AFF3: variants seen among roughly 807,000 people sequenced by gnomAD.
The protein encoded by AFF3 is AF4/FMR2 family member 3.
Under a neutral mutation model 129.7 loss-of-function variants are expected in AFF3, and 32 were observed. The ratio of observed to expected loss-of-function variants is 0.25; its 90% confidence interval spans 0.19 to 0.33. AFF3 has a LOEUF of 0.33. AFF3 is among the 10% of genes least tolerant of loss of function. The pLI, the probability that AFF3 is intolerant of heterozygous loss-of-function variation, is 1.00. For synonymous variants in AFF3, 644 were observed against 635.4 expected, an observed-to-expected ratio of 1.01 and a Z score of -0.20; for missense variants, 1,373 against 1,592.0, an observed-to-expected ratio of 0.86 and a Z score of 2.34.
At chr2:99,799,111 A>G (rs1175638440) in intron 8 of AFF3, among the ~76,000 whole-genome samples, 3 of 152,072 alleles carry the variant, frequency 2.0e-5, no homozygotes, top group Non-Finnish European at 4.4e-5. Flanking sequence ...GATAAATGCC[A>G]TGTATACTAG....
At chr2:99,942,008 T>C (rs1337913415) in intron 7 of AFF3, among the ~76,000 whole-genome samples, 1 of 152,194 alleles carries the variant, frequency 6.6e-6, no homozygotes. Flanking sequence ...AACACACAGA[T>C]ACAACATATA....
intron 14 of AFF3, among the ~76,000 whole-genome samples, chr2:99,597,164 C>T (rs1050143742): frequency 1.3e-5 from 2 of 152,190 alleles, no homozygotes; most frequent in Admixed American, 1.3e-4. Context: ...TAACTTTGTA[C>T]TCATCTAGGT....
At chr2:100,099,864 T>C (rs1197746203) in intron 4 of AFF3, among the ~76,000 whole-genome samples, 2 of 151,952 alleles carry the variant, frequency 1.3e-5, no homozygotes, top group South Asian at 2.1e-4. Context: ...ATAAGCGTTA[T>C]TTCATGATGC....
At chr2:99,848,929 C>T (rs1558912424) in intron 7 of AFF3, among the ~76,000 whole-genome samples, 2 of 152,084 alleles carry the variant, frequency 1.3e-5, no homozygotes, top group Non-Finnish European at 2.9e-5. Flanking sequence ...ACTCGGAAAC[C>T]TAGCAGTAGT....
intron 10 of AFF3, among the ~76,000 whole-genome samples, chr2:99,735,847 T>C (rs1480949023): frequency 6.6e-6 from 1 of 152,234 alleles, no homozygotes; most frequent in African/African-American, 2.4e-5. Flanking sequence ...ATTTAGTTTC[T>C]TCCTCCAGTT....
At chr2:100,106,933 C>G (rs1386190707) in intron 2 of AFF3, 4 of 985,324 alleles carry the variant, frequency 4.1e-6, no homozygotes, top group Admixed American at 6.1e-5. Flanking sequence ...TGAAAGGCCT[C>G]TCCCAAAAAG....
chr2:99,732,751 ATAT>A (rs1679936997), intron 10 of AFF3, among the ~76,000 whole-genome samples: 1 of 152,164 alleles, frequency 6.6e-6, no homozygotes, highest in African/African-American at 2.4e-5. Flanking sequence ...TAAGACTTCC[ATAT>A]GGCCAACTTT....
In AFF3 at chr2:99,836,375, T is replaced by C. The variant is rs187402223; in HGVS notation, c.921+1102A>G. 1.7e-4 allele frequency among the ~76,000 whole-genome samples: 26 copies of C among 152,318 alleles called. No individual in the cohort carries two copies. The South Asian group carries it at 1.9e-3, about 11-fold the overall frequency. On this transcript the variant is annotated intron_variant, in intron 8 of 24. Transcript: ENST00000672756. ...ACAAAGCCCCAGAATAGAGACAATATAGATATAAAATATACTATGTATTTT... is the reference window on the plus strand; with the variant it reads ...ACAAAGCCCCAGAATAGAGACAATACAGATATAAAATATACTATGTATTTT...
At chr2:99,650,186 A>G (rs1225745070) in intron 12 of AFF3, among the ~76,000 whole-genome samples, 1 of 152,232 alleles carries the variant, frequency 6.6e-6, no homozygotes, top group East Asian at 1.9e-4. Context: ...AGTTAATGAT[A>G]TTATGACAAT....
chr2:99,977,266 T>C (rs2104474031), intron 7 of AFF3, among the ~76,000 whole-genome samples: 1 of 152,272 alleles, frequency 6.6e-6, no homozygotes, highest in Admixed American at 6.5e-5. Flanking sequence ...TAGAGAGTCA[T>C]CTCTCCAATG....
chr2:99,565,981 G>A (rs1270350751), intron 19 of AFF3, among the ~76,000 whole-genome samples: 1 of 152,178 alleles, frequency 6.6e-6, no homozygotes, highest in Non-Finnish European at 1.5e-5. Flanking sequence ...ATGCATCAAA[G>A]TTGGTAGGTC....
chr2:99,846,884 T>A (rs1689765396), intron 7 of AFF3, among the ~76,000 whole-genome samples: 1 of 152,220 alleles, frequency 6.6e-6, no homozygotes, highest in Non-Finnish European at 1.5e-5. Flanking sequence ...GTCTCAGCTC[T>A]TCCTGACCCT....
intron 2 of AFF3, among the ~76,000 whole-genome samples, chr2:100,108,908 CTTTTTTTTTT>C (rs34769933): frequency 7.9e-5 from 7 of 88,108 alleles, no homozygotes; most frequent in Admixed American, 1.4e-4. Context: ...CATTTCTTTC[CTTTTTTTTTT>C]TTTTTTTTTT....
chr2:99,563,095 C>CCCCTTGCCA (rs1675622724), intron 20 of AFF3, among the ~76,000 whole-genome samples: 1 of 152,042 alleles, frequency 6.6e-6, no homozygotes, highest in Non-Finnish European at 1.5e-5. Context: ...GTGGTGAGAA[C>CCCCTTGCCA]CCCTTGCCAG....
At chr2:99,980,188 A>C (rs1170853964) in intron 7 of AFF3, among the ~76,000 whole-genome samples, 1 of 152,208 alleles carries the variant, frequency 6.6e-6, no homozygotes, top group Non-Finnish European at 1.5e-5. Flanking sequence ...TCAGTTGTGG[A>C]AACAAATATT....
intron 4 of AFF3, among the ~76,000 whole-genome samples, chr2:100,099,447 C>T (rs1690550074): frequency 6.6e-6 from 1 of 152,162 alleles, no homozygotes; most frequent in Non-Finnish European, 1.5e-5. Context: ...GCTAGTGCCT[C>T]TGCATCCCTC....
At chr2:99,938,816 A>G (rs1674762537) in intron 7 of AFF3, among the ~76,000 whole-genome samples, 1 of 152,162 alleles carries the variant, frequency 6.6e-6, no homozygotes, top group Admixed American at 6.5e-5. Flanking sequence ...CTTTAATATG[A>G]GTCTTAGTGT....
chr2:100,041,514 A>G (rs1685431755), intron 4 of AFF3, among the ~76,000 whole-genome samples: 1 of 152,046 alleles, frequency 6.6e-6, no homozygotes, highest in African/African-American at 2.4e-5. Context: ...GCATTAGAAA[A>G]GCCCCCACGT....
chr2:100,113,379 A>G (rs1453603570), intron 2 of AFF3, among the ~76,000 whole-genome samples: 1 of 152,222 alleles, frequency 6.6e-6, no homozygotes. Flanking sequence ...TTAGGTGCTT[A>G]GAACTATGCT....
Sources: allele counts gnomAD v4.1 joint callset (sites outside exome capture counted in the v4.1 genomes callset), GRCh38; gene constraint gnomAD v4.1.1; transcripts MANE v1.5; gene names NCBI Gene and HGNC (gene_info 2026-07-23, HGNC 2026-07-21).